TDP1: variants seen among roughly 807,000 people sequenced by gnomAD.
The protein encoded by TDP1 is tyrosyl-DNA phosphodiesterase 1.
Under a neutral mutation model 81.5 loss-of-function variants are expected in TDP1, and 64 were observed. The ratio of observed to expected loss-of-function variants is 0.79; its 90% confidence interval spans 0.64 to 0.97. The LOEUF (loss-of-function observed/expected upper bound fraction) is 0.97. TDP1 is among the 50% of genes least tolerant of loss of function. The probability of loss-of-function intolerance (pLI) is 0.00; values close to 1 mark genes in which losing one functional copy is unlikely to be tolerated. For synonymous variants in TDP1, 256 were observed against 264.3 expected (o/e 0.97, Z 0.30); for missense variants, 723 against 743.8 (o/e 0.97, Z 0.33).
At chr14:89,998,161 T>A (rs1896798273) in intron 14 of TDP1, among the ~76,000 whole-genome samples, 1 of 151,854 alleles carries the variant, frequency 6.6e-6, no homozygotes, top group South Asian at 2.1e-4. Context: ...GACCAACACT[T>A]CATAATACAA....
At chr14:89,959,606 A>G (rs113469707) in intron 2 of TDP1, among the ~76,000 whole-genome samples, 1,603 of 152,346 alleles carry the variant, frequency 0.011, 11 homozygotes, top group Non-Finnish European at 0.017. Context: ...CAGCAGGTCC[A>G]AAACTTTATA....
At chr14:90,019,972 G>A (rs1885777367) in intron 15 of TDP1, among the ~76,000 whole-genome samples, 1 of 152,154 alleles carries the variant, frequency 6.6e-6, no homozygotes, top group African/African-American at 2.4e-5. Flanking sequence ...GGCCAGTGGG[G>A]TGGCACAAAG....
intron 12 of TDP1, among the ~76,000 whole-genome samples, chr14:89,990,747 A>C (rs1896091883): frequency 1.3e-5 from 2 of 152,004 alleles, no homozygotes; most frequent in Non-Finnish European, 2.9e-5. Flanking sequence ...GAATGTTTTT[A>C]GTTATTTGAA....
At chr14:90,025,011 C>T (rs747362890) in intron 15 of TDP1, among the ~76,000 whole-genome samples, 2 of 152,104 alleles carry the variant, frequency 1.3e-5, no homozygotes, top group African/African-American at 2.4e-5. Context: ...ACTCTGTGTC[C>T]GCACCACCCA....
At position 90,043,346 on chromosome 14, in the gene TDP1, CT is replaced by C; in HGVS notation, c.*207del. ...AATAAAGTATTAGTTTCTTAATTCA[CT>C]TTTATATGTTTTGGAAAGAAAATTA... is the stretch of plus-strand genomic sequence containing the variant. On this transcript the variant is annotated 3_prime_UTR_variant, in exon 17 of 17. Transcript: ENST00000335725. The C allele has an allele frequency of 1.5e-6, 1 of 647,400 alleles. No homozygotes were observed. Among genetic ancestry groups the C allele is most frequent in the Non-Finnish European group, 2.6e-6 (1 of 377,488 alleles). The allele number at this position is 647,400 out of a possible 1,614,324, so 40.1% of individuals were successfully genotyped here.
intron 16 of TDP1, 93 bp downstream of exon 16, chr14:90,033,307 C>T (rs1346958626): frequency 3.8e-6 from 3 of 788,212 alleles, no homozygotes; most frequent in African/African-American, 3.4e-5. Context: ...GGGATCCTGG[C>T]TCATGGAACC....
rs190818577 is a variant in TDP1, at chr14:90,000,663, G to A, written c.1541+7180G>A. 2.1e-3 allele frequency among the ~76,000 whole-genome samples: 322 copies of A among 152,304 alleles called. 2 individuals carry two copies. The highest frequency in any genetic ancestry group is 7.3e-3 in the African/African-American group (305 of 41,560). On this transcript the variant is annotated intron_variant, in intron 14 of 16. Transcript: ENST00000335725. ...GCCCCCCAAAGTGCTGGGATTATAG[G>A]CATGAACTACTGCACCTGGCCCACT...
intron 16 of TDP1, among the ~76,000 whole-genome samples, chr14:90,040,140 T>G (rs905381737): frequency 2.0e-5 from 3 of 152,160 alleles, no homozygotes; most frequent in African/African-American, 7.2e-5. Context: ...AATGTAGGCC[T>G]CCTCTTTCTC....
chr14:89,960,722 G>A (rs1333405901), intron 2 of TDP1, among the ~76,000 whole-genome samples: 1 of 152,158 alleles, frequency 6.6e-6, no homozygotes, highest in African/African-American at 2.4e-5. Context: ...CCAGATTATT[G>A]TCTTGATGCA....
chr14:89,956,033 C>G lies in TDP1; in HGVS notation c.-231+63C>G, dbSNP rs542276144. On this transcript the variant is annotated intron_variant, in intron 1 of 16. Transcript: ENST00000335725. ...GTCTCTCGCGGGCTGCGGTCGGGCC[C>G]GGGATCCTGCTCCTGGCCGAGTCGC... is the stretch of plus-strand genomic sequence containing the variant. The G allele has an allele frequency of 2.0e-5, 3 of 152,932 alleles. No individual in the cohort carries two copies. In the East Asian group the frequency reaches 5.8e-4, roughly 29 times the overall value. 9.5% of individuals were successfully genotyped at this position (152,932 alleles called of 1,614,324 possible). A position where few individuals can be genotyped will look rare whatever the true frequency, so the allele number is the denominator to read the frequency against.
chr14:89,974,687 C>G (rs548291123), intron 6 of TDP1, among the ~76,000 whole-genome samples: 1 of 152,276 alleles, frequency 6.6e-6, no homozygotes, highest in African/African-American at 2.4e-5. Flanking sequence ...GATCTCGTTC[C>G]TGACAACTCT....
At chr14:89,996,337 T>A (rs1219487727) in intron 14 of TDP1, among the ~76,000 whole-genome samples, 8 of 152,198 alleles carry the variant, frequency 5.3e-5, no homozygotes, top group Non-Finnish European at 1.2e-4. Flanking sequence ...AGAGGAGCCT[T>A]GAGAAGAAGC....
chr14:90,027,455 A>G (rs1886798286), intron 15 of TDP1, among the ~76,000 whole-genome samples: 3 of 151,964 alleles, frequency 2.0e-5, no homozygotes, highest in Admixed American at 1.3e-4. Context: ...CTGGAACAGC[A>G]TGTCCCCCAG....
At chr14:90,026,542 T>A (rs965639507) in intron 15 of TDP1, among the ~76,000 whole-genome samples, 1 of 152,204 alleles carries the variant, frequency 6.6e-6, no homozygotes, top group Non-Finnish European at 1.5e-5. Flanking sequence ...ACATGTGCCA[T>A]GTTGGTGTGC....
At position 89,988,915 on chromosome 14, in the gene TDP1, A is replaced by ACCATGCCTCAT. The variant is rs750450232; in HGVS notation, c.1151_1161dup (p.Asn388HisfsTer12). On this transcript the variant is annotated frameshift_variant, in exon 11 of 17. Transcript: ENST00000335725. LOFTEE classifies it high-confidence loss of function. The stretch of plus-strand genomic sequence containing the variant: ...TTTATTCTTTCCCAGCTTCTGAAAG[A>ACCATGCCTCAT]CCATGCCTCATCCATGCCTAACGCA... The ACCATGCCTCAT allele has an allele frequency of 1.2e-6, 2 of 1,614,156 alleles. No individual in the cohort carries two copies. The highest frequency in any genetic ancestry group is 1.7e-6 in the Non-Finnish European group (2 of 1,179,994).
intron 14 of TDP1, among the ~76,000 whole-genome samples, chr14:90,000,056 G>C (rs1897056068): frequency 6.6e-6 from 1 of 152,098 alleles, no homozygotes; most frequent in Non-Finnish European, 1.5e-5. Flanking sequence ...CTGAAGCTTG[G>C]GAGTCCTCTT....
chr14:89,971,911 CT>C (rs34587290), intron 6 of TDP1, among the ~76,000 whole-genome samples: 14,442 of 151,366 alleles, frequency 0.095, 1,764 homozygotes, highest in African/African-American at 0.29. Flanking sequence ...AACTGTAGTT[CT>C]TTTTTTTTCA....
At chr14:89,972,819 A>G (rs1028694780) in intron 6 of TDP1, among the ~76,000 whole-genome samples, 1 of 152,222 alleles carries the variant, frequency 6.6e-6, no homozygotes, top group African/African-American at 2.4e-5. Context: ...GATGCTTTTT[A>G]TAGCCCTTTT....
intron 15 of TDP1, chr14:90,032,733 T>C (rs1275303358): frequency 3.0e-6 from 3 of 984,942 alleles, no homozygotes; most frequent in Admixed American, 1.2e-4. Context: ...ACTATAGCAA[T>C]GTTGGAAGTA....
Sources: gnomAD v4.1 joint callset for allele counts (sites outside exome capture counted in the v4.1 genomes callset) on GRCh38, gnomAD v4.1.1 for gene constraint, MANE v1.5 for transcripts, NCBI Gene and HGNC (gene_info 2026-07-23, HGNC 2026-07-21) for gene names.